The following SHISA6 variants were observed in gnomAD, a reference collection of about 807,000 sequenced individuals.
SHISA6 encodes shisa family member 6.
SHISA6 carries 22 observed loss-of-function variants against 47.9 expected under a neutral mutation model. The observed-to-expected ratio is 0.46, with a 90% CI of 0.33 to 0.66. SHISA6 has a LOEUF of 0.66. Ranked by LOEUF, SHISA6 falls within the 30% of genes least tolerant of loss-of-function variation. The probability of loss-of-function intolerance (pLI) is 0.02; values close to 1 mark genes in which losing one functional copy is unlikely to be tolerated. For missense variants in SHISA6, 680 were observed against 764.6 expected, an observed-to-expected ratio of 0.89 and a Z score of 1.30; for synonymous variants, 388 against 337.8, an observed-to-expected ratio of 1.15 and a Z score of -1.63.
At chr17:11,435,138 C>CCTCT (rs746816435) in intron 3 of SHISA6, among the ~76,000 whole-genome samples, 1 of 141,024 alleles carries the variant, frequency 7.1e-6, no homozygotes, top group Non-Finnish European at 1.5e-5. Flanking sequence ...TCTCTGTTTC[C>CCTCT]CTCTCTCTCT....
intron 2 of SHISA6, 25 bp from the exon 3 acceptor site, chr17:11,379,389 G>A (rs1303845766): frequency 5.3e-6 from 8 of 1,499,608 alleles, no homozygotes; most frequent in Non-Finnish European, 7.2e-6. Flanking sequence ...GATGCGCCAG[G>A]TAATTCTGCC....
chr17:11,354,141 C>T (rs1270215459), intron 2 of SHISA6, among the ~76,000 whole-genome samples: 2 of 152,160 alleles, frequency 1.3e-5, no homozygotes, highest in African/African-American at 4.8e-5. Flanking sequence ...GAAAAATATC[C>T]TCTGTTGGGG....
chr17:11,531,711 A>G (rs1348633167), intron 3 of SHISA6, among the ~76,000 whole-genome samples: 2 of 152,364 alleles, frequency 1.3e-5, no homozygotes, highest in East Asian at 3.9e-4. Context: ...CAGTGGCTCC[A>G]TGCATGGATT....
intron 2 of SHISA6, among the ~76,000 whole-genome samples, chr17:11,369,773 T>C (rs2142236603): frequency 6.6e-6 from 1 of 152,318 alleles, no homozygotes; most frequent in Middle Eastern, 3.4e-3. Flanking sequence ...TGCTGACCAG[T>C]CAGAGACAAG....
intron 3 of SHISA6, among the ~76,000 whole-genome samples, chr17:11,425,006 CA>C (rs34270452): frequency 0.14 from 9,463 of 69,884 alleles, 178 homozygotes; most frequent in African/African-American, 0.19. Flanking sequence ...TACTCCGTCT[CA>C]AAAAAAAAAA....
chr17:11,488,090 G>A (rs988699413), intron 3 of SHISA6, among the ~76,000 whole-genome samples: 4 of 152,182 alleles, frequency 2.6e-5, no homozygotes, highest in Non-Finnish European at 5.9e-5. Flanking sequence ...GTTTCCAACG[G>A]AGCCAAACTT....
At chr17:11,528,784 G>A (rs546119684) in intron 3 of SHISA6, among the ~76,000 whole-genome samples, 8 of 152,190 alleles carry the variant, frequency 5.3e-5, no homozygotes, top group Non-Finnish European at 1.2e-4. Context: ...AAGCCTGCAT[G>A]ACACAGACAT....
intron 1 of SHISA6, among the ~76,000 whole-genome samples, chr17:11,263,006 G>A (rs1908289833): frequency 6.6e-6 from 1 of 152,166 alleles, no homozygotes; most frequent in African/African-American, 2.4e-5. Context: ...GAGGCCGATG[G>A]TTTCAGCCCT....
At chr17:11,493,900 CT>C (rs1182599201) in intron 3 of SHISA6, among the ~76,000 whole-genome samples, 4 of 141,862 alleles carry the variant, frequency 2.8e-5, no homozygotes, top group Middle Eastern at 3.6e-3. Context: ...TAACTAAATT[CT>C]GTTCTCCCTT....
intron 4 of SHISA6, among the ~76,000 whole-genome samples, chr17:11,553,677 G>A (rs1335445815): frequency 1.3e-5 from 2 of 152,096 alleles, no homozygotes; most frequent in Admixed American, 1.3e-4. Flanking sequence ...GCATTAATTG[G>A]ATCCTTATTC....
At chr17:11,249,011 G>T (rs1053345940) in intron 1 of SHISA6, among the ~76,000 whole-genome samples, 1 of 151,972 alleles carries the variant, frequency 6.6e-6, no homozygotes. Flanking sequence ...TGGTGGCGGC[G>T]CCTGTAGTCC....
chr17:11,472,396 A>G (rs966587162), intron 3 of SHISA6, among the ~76,000 whole-genome samples: 1 of 152,150 alleles, frequency 6.6e-6, no homozygotes, highest in Non-Finnish European at 1.5e-5. Context: ...ACAGGGTCTC[A>G]CTATGGTGTC....
chr17:11,479,748 T>A (rs1597540846), intron 3 of SHISA6, among the ~76,000 whole-genome samples: 1 of 151,862 alleles, frequency 6.6e-6, no homozygotes. Flanking sequence ...CATATATATA[T>A]AATATATATA....
In SHISA6 at chr17:11,396,945, A is replaced by G. The variant is rs1436426312; in HGVS notation, c.895+17436A>G. ...AATTAGAAATTCCCCTCCATTTTCA[A>G]TGCTCTGGAACCCATATGTACAACA... On this transcript the variant is annotated intron_variant, in intron 3 of 5. Transcript: ENST00000441885. Among the ~76,000 whole-genome samples, 6 of 152,288 alleles carry G rather than the reference A, an allele frequency of 3.9e-5. No homozygotes were observed. The East Asian group carries it at 1.2e-3, about 29-fold the overall frequency.
At chr17:11,304,875 C>G (rs1005835071) in intron 2 of SHISA6, among the ~76,000 whole-genome samples, 3 of 152,102 alleles carry the variant, frequency 2.0e-5, no homozygotes, top group African/African-American at 7.2e-5. Flanking sequence ...CCTCTTCCTG[C>G]TGGGCTTCTG....
At chr17:11,457,153 G>T (rs1013119451) in intron 3 of SHISA6, among the ~76,000 whole-genome samples, 3 of 152,122 alleles carry the variant, frequency 2.0e-5, no homozygotes, top group African/African-American at 7.2e-5. Context: ...TATTTATGAT[G>T]CCCCAAAGTC....
chr17:11,483,705 A>G (rs1916275825), intron 3 of SHISA6, among the ~76,000 whole-genome samples: 1 of 152,056 alleles, frequency 6.6e-6, no homozygotes, highest in Non-Finnish European at 1.5e-5. Context: ...CTTCTGTAAT[A>G]TCAGCACTTT....
chr17:11,260,819 C>T lies in SHISA6; in HGVS notation c.639-2547C>T, dbSNP rs1908207108. 2.6e-5 allele frequency among the ~76,000 whole-genome samples: 4 copies of T among 152,152 alleles called. No homozygotes were observed. In the South Asian group the frequency reaches 8.3e-4, roughly 32 times the overall value. On this transcript the variant is annotated intron_variant, in intron 1 of 5. Transcript: ENST00000441885. Reference sequence around the variant, plus strand: ...TTCTCTCCTCTCTTTCTCTCTGGACCTCTGCCCCCAGCCCTCCCTTTCTCT... The same window carrying T: ...TTCTCTCCTCTCTTTCTCTCTGGACTTCTGCCCCCAGCCCTCCCTTTCTCT...
At chr17:11,316,776 A>G (rs1266589752) in intron 2 of SHISA6, among the ~76,000 whole-genome samples, 1 of 152,162 alleles carries the variant, frequency 6.6e-6, no homozygotes, top group Non-Finnish European at 1.5e-5. Flanking sequence ...TTACAAATGT[A>G]TTTAAGTTGA....
Sources: allele counts gnomAD v4.1 joint callset (sites outside exome capture counted in the v4.1 genomes callset), GRCh38; gene constraint gnomAD v4.1.1; transcripts MANE v1.5; gene names NCBI Gene and HGNC (gene_info 2026-07-23, HGNC 2026-07-21).